Variants in GRM3 observed in about 807,000 individuals in gnomAD.
The protein encoded by GRM3 is glutamate metabotropic receptor 3.
In GRM3, 26 loss-of-function variants were observed where a neutral mutation model predicts 70.5. The observed-to-expected ratio is 0.37, with a 90% CI of 0.27 to 0.51. The LOEUF is 0.51. GRM3 is among the 20% of genes least tolerant of loss of function. GRM3 has a pLI of 0.93. For missense variants in GRM3, 859 were observed against 1,123.8 expected, an observed-to-expected ratio of 0.76 and a Z score of 3.37; for synonymous variants, 443 against 434.9, an observed-to-expected ratio of 1.02 and a Z score of -0.23.
At chr7:86,798,130 A>G (rs1469232351) in intron 3 of GRM3, among the ~76,000 whole-genome samples, 2 of 152,210 alleles carry the variant, frequency 1.3e-5, no homozygotes. Context: ...AGGGCAGTAT[A>G]GAAGGAAAAA....
chr7:86,824,066 C>T (rs1206215499), intron 3 of GRM3, among the ~76,000 whole-genome samples: 1 of 152,132 alleles, frequency 6.6e-6, no homozygotes, highest in African/African-American at 2.4e-5. Context: ...ATGAAGACGA[C>T]CAAGGCCAGT....
chr7:86,769,530 G>A (rs146312281), intron 2 of GRM3, among the ~76,000 whole-genome samples: 27 of 152,238 alleles, frequency 1.8e-4, no homozygotes, highest in African/African-American at 6.3e-4. Flanking sequence ...GCTTCAGGAA[G>A]TGCTTTCTCT....
In GRM3 at chr7:86,686,137, T is replaced by C. The variant is rs147837806; in HGVS notation, c.-141+41265T>C. Among the ~76,000 whole-genome samples, 535 of 152,220 alleles carry C rather than the reference T, an allele frequency of 3.5e-3. 4 individuals are homozygous for C. Among genetic ancestry groups the C allele is most frequent in the African/African-American group, 0.012 (508 of 41,538 alleles). ...CTGGACAAAATATAAAAACTGAAAT[T>C]GAAGTCTCTAAAGAACTATGAAAAT... On this transcript the variant is annotated intron_variant, in intron 1 of 5. Transcript: ENST00000361669.
At chr7:86,837,877 TAAGAA>T (rs1017265096) in intron 3 of GRM3, among the ~76,000 whole-genome samples, 39 of 152,296 alleles carry the variant, frequency 2.6e-4, no homozygotes, top group African/African-American at 8.9e-4. Context: ...CTTCTAATTC[TAAGAA>T]AAGAGTAAAG....
chr7:86,833,505 A>G (rs1584270863), intron 3 of GRM3, among the ~76,000 whole-genome samples: 1 of 152,186 alleles, frequency 6.6e-6, no homozygotes, highest in East Asian at 1.9e-4. Flanking sequence ...TTTGACTTAG[A>G]GGCAACTCTA....
intron 1 of GRM3, among the ~76,000 whole-genome samples, chr7:86,757,917 C>A (rs1159317761): frequency 2.0e-5 from 3 of 152,074 alleles, no homozygotes; most frequent in African/African-American, 7.2e-5. Flanking sequence ...TAGGAATGGT[C>A]ACCAGGAATA....
At chr7:86,665,672 ATACTTCTTCT>A (rs1204424942) in intron 1 of GRM3, among the ~76,000 whole-genome samples, 1 of 152,062 alleles carries the variant, frequency 6.6e-6, no homozygotes, top group East Asian at 1.9e-4. Flanking sequence ...ACCATATGTT[ATACTTCTTCT>A]GTTTATGAAG....
At chr7:86,855,121 G>A (rs1798822462) in intron 5 of GRM3, among the ~76,000 whole-genome samples, 1 of 152,194 alleles carries the variant, frequency 6.6e-6, no homozygotes, top group East Asian at 1.9e-4. Context: ...GGATGAAAAA[G>A]AGGTCATTTT....
chr7:86,827,695 G>A (rs1294049691), intron 3 of GRM3, among the ~76,000 whole-genome samples: 1 of 152,062 alleles, frequency 6.6e-6, no homozygotes, highest in Non-Finnish European at 1.5e-5. Flanking sequence ...AGTATTTTTA[G>A]TAGAGAAGAA....
chr7:86,693,972 T>C (rs74865506), intron 1 of GRM3, among the ~76,000 whole-genome samples: 5,079 of 152,302 alleles, frequency 0.033, 275 homozygotes, highest in African/African-American at 0.12. Context: ...TCATGTTTCA[T>C]ACAGGCAACT....
At chr7:86,695,552 G>C (rs1794796548) in intron 1 of GRM3, among the ~76,000 whole-genome samples, 1 of 152,148 alleles carries the variant, frequency 6.6e-6, no homozygotes. Flanking sequence ...CGGGAAAGCT[G>C]AGCTTTTGCG....
At chr7:86,838,545 T>G (rs1798501397) in intron 3 of GRM3, among the ~76,000 whole-genome samples, 1 of 152,206 alleles carries the variant, frequency 6.6e-6, no homozygotes, top group Non-Finnish European at 1.5e-5. Flanking sequence ...TCATAAAACA[T>G]ATGACTACAT....
intron 1 of GRM3, among the ~76,000 whole-genome samples, chr7:86,722,260 C>T (rs1584193175): frequency 6.6e-6 from 1 of 151,798 alleles, no homozygotes; most frequent in South Asian, 2.1e-4. Context: ...GGGTATATAC[C>T]CAAAGGATTA....
At chr7:86,684,799 A>C (rs1244946403) in intron 1 of GRM3, among the ~76,000 whole-genome samples, 1 of 152,232 alleles carries the variant, frequency 6.6e-6, no homozygotes, top group African/African-American at 2.4e-5. Flanking sequence ...TAAAGAGTCC[A>C]ACAGCCGGAT....
intron 5 of GRM3, among the ~76,000 whole-genome samples, chr7:86,860,134 T>C (rs375131913): frequency 6.6e-6 from 1 of 152,128 alleles, no homozygotes. Flanking sequence ...AGGATGATTA[T>C]AGAAATGTGC....
At chr7:86,823,134 A>G (rs1798156399) in intron 3 of GRM3, among the ~76,000 whole-genome samples, 1 of 152,180 alleles carries the variant, frequency 6.6e-6, no homozygotes, top group Non-Finnish European at 1.5e-5. Flanking sequence ...AGGCTATCAC[A>G]ATAGCCCATA....
At chr7:86,692,600 A>T (rs1188696881) in intron 1 of GRM3, among the ~76,000 whole-genome samples, 5 of 152,224 alleles carry the variant, frequency 3.3e-5, no homozygotes, top group African/African-American at 1.2e-4. Flanking sequence ...AGCTTATAGT[A>T]TGACCCAATA....
In GRM3 at chr7:86,650,096, A is replaced by G. The variant is rs117394390; in HGVS notation, c.-141+5224A>G. On this transcript the variant is annotated intron_variant, in intron 1 of 5. Coordinates refer to ENST00000361669, the MANE Select transcript of GRM3 (RefSeq NM_000840.3). ...TATGCTGTGAGGTGACAAAACTAAT[A>G]ATAAGTCAAAATAATAGGTGATAAT... is the stretch of plus-strand genomic sequence containing the variant. Among the ~76,000 whole-genome samples the G allele has an allele frequency of 5.2e-3, 786 of 152,264 alleles. 2 individuals are homozygous for G. The highest frequency in any genetic ancestry group is 8.8e-3 in the Non-Finnish European group (597 of 68,010).
At chr7:86,804,337 C>A (rs1468413) in intron 3 of GRM3, among the ~76,000 whole-genome samples, 22,670 of 152,210 alleles carry the variant, frequency 0.15, 1,902 homozygotes, top group Middle Eastern at 0.26. Flanking sequence ...ACCCAAGATT[C>A]ATCTGCTAAT....
Sources: gnomAD v4.1 joint callset for allele counts (sites outside exome capture counted in the v4.1 genomes callset) on GRCh38, gnomAD v4.1.1 for gene constraint, MANE v1.5 for transcripts, NCBI Gene and HGNC (gene_info 2026-07-23, HGNC 2026-07-21) for gene names.